Variants in NUP155 observed in about 807,000 individuals in gnomAD.
The protein encoded by NUP155 is nuclear pore complex protein Nup155.
NUP155 carries 71 observed loss-of-function variants against 180.4 expected under a neutral mutation model. The ratio of observed to expected loss-of-function variants is 0.39; its 90% CI spans 0.33 to 0.48. The LOEUF is 0.48. Ranked by LOEUF, NUP155 falls within the 20% of genes least tolerant of loss-of-function variation. The pLI is 0.91. For missense variants in NUP155, 1,553 were observed against 1,648.9 expected, an observed-to-expected ratio of 0.94 and a Z score of 1.01; for synonymous variants, 582 against 559.5, an observed-to-expected ratio of 1.04 and a Z score of -0.57.
chr5:37,322,237 T>C lies in NUP155; in HGVS notation c.2207+1755A>G, dbSNP rs555035544. Among the ~76,000 whole-genome samples, 16 of 152,310 alleles carry C rather than the reference T, an allele frequency of 1.1e-4. No individual in the cohort carries two copies. In the South Asian group the frequency reaches 3.1e-3, roughly 30 times the overall value. ...CCTGGCTTCAAGCAATCCTCCTGCC[T>C]TGGCTTTCCAAAGTGTTGGGATTAT... On this transcript the variant is annotated intron_variant, in intron 20 of 34. Coordinates refer to ENST00000231498, the MANE Select transcript of NUP155 (RefSeq NM_153485.3).
intron 1 of NUP155, among the ~76,000 whole-genome samples, chr5:37,367,891 G>A (rs1218279900): frequency 4.0e-5 from 6 of 151,628 alleles, no homozygotes; most frequent in African/African-American, 1.5e-4. Flanking sequence ...TCAAGCGATT[G>A]TCCTGCCTCA....
intron 32 of NUP155, among the ~76,000 whole-genome samples, chr5:37,296,424 A>G (rs1301478466): frequency 1.3e-5 from 2 of 152,058 alleles, no homozygotes; most frequent in South Asian, 2.1e-4. Flanking sequence ...ACTCAGGGTT[A>G]AATGGATTAA....
At chr5:37,306,016 C>CA (rs1388343463) in intron 25 of NUP155, among the ~76,000 whole-genome samples, 1 of 152,146 alleles carries the variant, frequency 6.6e-6, no homozygotes, top group Non-Finnish European at 1.5e-5. Context: ...TAAAATAATA[C>CA]AAACCATATA....
intron 18 of NUP155, chr5:37,327,286 C>A (rs1236441387): frequency 6.0e-6 from 2 of 331,142 alleles, no homozygotes; most frequent in East Asian, 1.6e-4. Flanking sequence ...GGCTTCTAGA[C>A]AGTAGGCTAT....
chr5:37,317,952 T>C, intron 21 of NUP155, 36 bp downstream of exon 21: 1 of 1,093,556 alleles, frequency 9.1e-7, no homozygotes, highest in Non-Finnish European at 1.4e-6. Context: ...TTTACTGAGG[T>C]CATGTACGCT....
chr5:37,310,840 T>C, intron 22 of NUP155, 97 bp from the exon 23 acceptor site: 2 of 1,012,670 alleles, frequency 2.0e-6, no homozygotes, highest in Admixed American at 2.4e-5. Flanking sequence ...TAAATATTAA[T>C]AGACTCTATA....
intron 1 of NUP155, among the ~76,000 whole-genome samples, chr5:37,364,793 C>T (rs1236598296): frequency 2.0e-5 from 3 of 151,824 alleles, no homozygotes; most frequent in Non-Finnish European, 4.4e-5. Flanking sequence ...TCCGCCACCA[C>T]ACCCGGCTAA....
chr5:37,301,401 T>C (rs933333749), intron 30 of NUP155, 36 bp downstream of exon 30: 1 of 1,369,180 alleles, frequency 7.3e-7, no homozygotes, highest in Non-Finnish European at 1.0e-6. Context: ...CATTATTAGG[T>C]AACTACTATA....
intron 21 of NUP155, among the ~76,000 whole-genome samples, chr5:37,315,895 G>A (rs1026021636): frequency 1.3e-5 from 2 of 152,126 alleles, no homozygotes; most frequent in African/African-American, 4.8e-5. Flanking sequence ...AGCTGAGATC[G>A]CACCATTGCA....
intron 14 of NUP155, among the ~76,000 whole-genome samples, chr5:37,331,319 A>G (rs1744947799): frequency 6.6e-6 from 1 of 152,210 alleles, no homozygotes; most frequent in African/African-American, 2.4e-5. Context: ...CACGGCCTGT[A>G]ATCCCAGCAC....
chr5:37,361,285 A>AAAAAAG lies in NUP155; in HGVS notation c.392+2602_392+2603insCTTTTT, dbSNP rs397997410. 1.3e-3 allele frequency among the ~76,000 whole-genome samples: 178 copies of AAAAAAG among 141,468 alleles called. 4 individuals are homozygous for AAAAAAG. Among genetic ancestry groups the AAAAAAG allele is most frequent in the African/African-American group, 5.0e-3 (165 of 33,032 alleles). The allele number at this position is 141,468 out of a possible 152,430, so 92.8% of individuals were successfully genotyped here. On this transcript the variant is annotated intron_variant, in intron 3 of 34. Coordinates refer to ENST00000231498, the MANE Select transcript of NUP155 (RefSeq NM_153485.3). ...TGTCTCAAAAAAAAAAAAAAAAAAAAGACAATGGCTGAACAGAAAAGGAGA... is the reference window on the plus strand; with the variant it reads ...TGTCTCAAAAAAAAAAAAAAAAAAAAAAAAAGGACAATGGCTGAACAGAAAAGGAGA...
chr5:37,351,313 C>T lies in NUP155; in HGVS notation c.600G>A (p.Leu200=). ...GAAGAGAATATAAAGGATCTGGAAG[C>T]AACTGCATTCCACCAGACAAACTAT... The part of the protein sequence containing the change: ...LNDSLSGGMQ[L]LPDPLYSLPT... The change falls in exon 6 of 35, where the codon TTG becomes TTA. Residue 200 remains leucine, a synonymous_variant. Coordinates refer to ENST00000231498, the MANE Select transcript of NUP155 (RefSeq NM_153485.3). The T allele has an allele frequency of 3.1e-6, 5 of 1,612,466 alleles. No individual in the cohort carries two copies. The Admixed American group carries it at 6.7e-5, about 22-fold the overall frequency.
At chr5:37,344,250 C>T (rs534006856) in intron 9 of NUP155, among the ~76,000 whole-genome samples, 8 of 148,692 alleles carry the variant, frequency 5.4e-5, no homozygotes, top group East Asian at 4.0e-4. Flanking sequence ...GGCTGAGGCA[C>T]GAGAATCACT....
intron 9 of NUP155, among the ~76,000 whole-genome samples, chr5:37,346,672 G>A (rs778775124): frequency 3.3e-5 from 5 of 149,876 alleles, no homozygotes; most frequent in Admixed American, 6.6e-5. Flanking sequence ...ACTTTGTCTC[G>A]GAAACAAAAA....
chr5:37,347,089 G>T (rs969412228), intron 9 of NUP155, among the ~76,000 whole-genome samples: 1 of 152,112 alleles, frequency 6.6e-6, no homozygotes, highest in African/African-American at 2.4e-5. Flanking sequence ...TTCGCCAGGT[G>T]TGGTGGCATG....
chr5:37,328,747 T>G (rs1744770127), intron 16 of NUP155, among the ~76,000 whole-genome samples: 1 of 152,190 alleles, frequency 6.6e-6, no homozygotes, highest in Admixed American at 6.5e-5. Flanking sequence ...TCAGGTGATC[T>G]GCCCGCCTCG....
intron 14 of NUP155, 40 bp downstream of exon 14, chr5:37,331,645 T>C: frequency 8.6e-7 from 1 of 1,163,032 alleles, no homozygotes; most frequent in African/African-American, 1.5e-5. Flanking sequence ...CACTGTTTGT[T>C]TAAAATAGCA....
chr5:37,324,856 C>T (rs1202563029), intron 19 of NUP155, among the ~76,000 whole-genome samples: 5 of 152,120 alleles, frequency 3.3e-5, no homozygotes, highest in Non-Finnish European at 7.4e-5. Flanking sequence ...AAGAGCCTCA[C>T]AATTAAAAAT....
At chr5:37,326,648 T>C (rs962384587) in intron 18 of NUP155, among the ~76,000 whole-genome samples, 9 of 152,186 alleles carry the variant, frequency 5.9e-5, no homozygotes, top group Non-Finnish European at 8.8e-5. Context: ...AGCTGTTTCA[T>C]CTTGGGCCAT....
Sources: gnomAD v4.1 joint callset for allele counts (sites outside exome capture counted in the v4.1 genomes callset) on GRCh38, gnomAD v4.1.1 for gene constraint, MANE v1.5 for transcripts, NCBI Gene and HGNC (gene_info 2026-07-23, HGNC 2026-07-21) for gene names.